COMMD1: variants seen among roughly 807,000 people sequenced by gnomAD.
The protein encoded by COMMD1 is copper metabolism domain containing 1.
COMMD1 carries 10 observed loss-of-function variants against 17.2 expected under a neutral mutation model. That is an observed-to-expected ratio of 0.58 (90% CI 0.36 to 0.99). COMMD1 has a LOEUF of 0.99. Among genes scored for constraint, COMMD1 ranks in the 50% least tolerant of loss-of-function variants. The pLI is 0.01. For missense variants in COMMD1, 270 were observed against 231.8 expected (o/e 1.17, Z -1.07); for synonymous variants, 97 against 91.6 (o/e 1.06, Z -0.34).
chr2:62,062,445 C>T (rs924211176), intron 2 of COMMD1, among the ~76,000 whole-genome samples: 4 of 151,946 alleles, frequency 2.6e-5, no homozygotes, highest in Non-Finnish European at 5.9e-5. Flanking sequence ...CCAGGCTGGT[C>T]GCCAACTCCT....
At position 62,014,542 on chromosome 2, in the gene COMMD1, C is replaced by CTTTTTTTTTTT. The variant is rs67886279; in HGVS notation, c.462+13587_462+13597dup. On this transcript the variant is annotated intron_variant, in intron 2 of 2. Coordinates refer to ENST00000311832, the MANE Select transcript of COMMD1 (RefSeq NM_152516.4). ...CATAACAAAATTTTACCATTTTAAC[C>CTTTTTTTTTTT]TTTTTTTTTTTTTTTTTTTTTTTTT... Among the ~76,000 whole-genome samples the CTTTTTTTTTTT allele has an allele frequency of 2.7e-4, 17 of 63,566 alleles. 2 individuals are homozygous for CTTTTTTTTTTT. The highest frequency in any genetic ancestry group is 1.1e-3 in the African/African-American group (16 of 14,020). 41.7% of individuals were successfully genotyped at this position (63,566 alleles called of 152,430 possible). A position where few individuals can be genotyped will look rare whatever the true frequency, so the allele number is the denominator to read the frequency against.
At chr2:61,958,331 A>T (rs1457233568) in intron 1 of COMMD1, among the ~76,000 whole-genome samples, 1 of 149,146 alleles carries the variant, frequency 6.7e-6, no homozygotes, top group African/African-American at 2.5e-5. Context: ...CAGGGGCGCG[A>T]TCTCAGCTCA....
At chr2:61,983,927 G>C (rs899063153) in intron 1 of COMMD1, among the ~76,000 whole-genome samples, 2 of 152,090 alleles carry the variant, frequency 1.3e-5, no homozygotes, top group African/African-American at 4.8e-5. Context: ...TCATTATGTT[G>C]TTTATTTGAA....
At chr2:62,035,765 A>G (rs1168893428) in intron 2 of COMMD1, among the ~76,000 whole-genome samples, 3 of 140,708 alleles carry the variant, frequency 2.1e-5, no homozygotes, top group African/African-American at 8.4e-5. Flanking sequence ...AAAAAAAAAA[A>G]GCAGGGCTGG....
intron 1 of COMMD1, among the ~76,000 whole-genome samples, chr2:61,922,473 A>G (rs1010567700): frequency 1.3e-5 from 2 of 152,230 alleles, no homozygotes; most frequent in East Asian, 3.9e-4. Flanking sequence ...GTGAGCTACT[A>G]TGCCTGGCTA....
intron 1 of COMMD1, among the ~76,000 whole-genome samples, chr2:61,989,005 T>A (rs772026990): frequency 6.6e-6 from 1 of 152,192 alleles, no homozygotes; most frequent in Non-Finnish European, 1.5e-5. Context: ...TGGCTGCTGC[T>A]AGCGGATGGG....
At chr2:62,075,855 C>T (rs1194905466) in intron 2 of COMMD1, among the ~76,000 whole-genome samples, 2 of 152,216 alleles carry the variant, frequency 1.3e-5, no homozygotes, top group East Asian at 3.8e-4. Context: ...TTGTATGAAC[C>T]ATATGTTGTC....
At position 62,063,867 on chromosome 2, in the gene COMMD1, A is replaced by AT. The variant is rs1423721865; in HGVS notation, c.462+62885_462+62886insT. ...ACAACATAGTGACACTGTCTCTACA[A>AT]AATATATATATATATATATATATAT... On this transcript the variant is annotated intron_variant, in intron 2 of 2. Coordinates refer to ENST00000311832, the MANE Select transcript of COMMD1 (RefSeq NM_152516.4). 6.9e-3 allele frequency among the ~76,000 whole-genome samples: 462 copies of AT among 66,554 alleles called. 11 individuals are homozygous for AT. Among genetic ancestry groups the AT allele is most frequent in the African/African-American group, 0.026 (417 of 15,760 alleles). 43.7% of individuals were successfully genotyped at this position (66,554 alleles called of 152,430 possible).
At chr2:61,995,923 A>G (rs750810119) in intron 1 of COMMD1, among the ~76,000 whole-genome samples, 22 of 152,234 alleles carry the variant, frequency 1.4e-4, no homozygotes, top group Non-Finnish European at 2.6e-4. Flanking sequence ...CAATAAAGTG[A>G]ATAATGCAAT....
chr2:61,944,929 A>T (rs550623175), intron 1 of COMMD1, among the ~76,000 whole-genome samples: 162 of 152,262 alleles, frequency 1.1e-3, no homozygotes, highest in African/African-American at 3.5e-3. Flanking sequence ...AACCACGTGC[A>T]TGGTTTTGTT....
chr2:61,973,435 A>G (rs377110268), intron 1 of COMMD1, among the ~76,000 whole-genome samples: 162 of 152,230 alleles, frequency 1.1e-3, no homozygotes, highest in South Asian at 5.4e-3. Context: ...GGGGCATTTT[A>G]TTTTTGCCAG....
In COMMD1 at chr2:62,080,420, T is replaced by C. The variant is rs142381897; in HGVS notation, c.463-55411T>C. 2.8e-3 allele frequency among the ~76,000 whole-genome samples: 433 copies of C among 152,378 alleles called. 2 individuals are homozygous for C. The highest frequency in any genetic ancestry group is 9.9e-3 in the African/African-American group (413 of 41,582). On this transcript the variant is annotated intron_variant, in intron 2 of 2. Coordinates refer to ENST00000311832, the MANE Select transcript of COMMD1 (RefSeq NM_152516.4). ...AGTAAGTGGATAACATTATCTGTTC[T>C]GTATACTTGGTGTTTGTTCGTTGGT...
chr2:62,063,211 G>T (rs892785242), intron 2 of COMMD1, among the ~76,000 whole-genome samples: 1 of 152,056 alleles, frequency 6.6e-6, no homozygotes, highest in Non-Finnish European at 1.5e-5. Flanking sequence ...GCAGGACTCC[G>T]TCTCAAAAAT....
upstream of COMMD1, chr2:61,905,621 T>C (rs1669749345): frequency 8.1e-6 from 12 of 1,472,730 alleles, no homozygotes; most frequent in Non-Finnish European, 1.8e-6. Flanking sequence ...TTTAGGCACA[T>C]CTCGGCCGCC....
In COMMD1 at chr2:62,077,336, A is replaced by G. The variant is rs539728319; in HGVS notation, c.463-58495A>G. On this transcript the variant is annotated intron_variant, in intron 2 of 2. Coordinates refer to ENST00000311832, the MANE Select transcript of COMMD1 (RefSeq NM_152516.4). Reference sequence around the variant, plus strand: ...AATTAATATTATAAAAGGAACAAATAGTGAATTTTAAACACAGGGTTAACC... The same window carrying G: ...AATTAATATTATAAAAGGAACAAATGGTGAATTTTAAACACAGGGTTAACC... Among the ~76,000 whole-genome samples, 59 of 152,370 alleles carry G rather than the reference A, an allele frequency of 3.9e-4. 1 individual carries two copies. In the South Asian group the frequency reaches 0.012, roughly 32 times the overall value.
At chr2:61,928,524 G>A (rs1359993239) in intron 1 of COMMD1, 2 of 152,038 alleles carry the variant, frequency 1.3e-5, no homozygotes, top group African/African-American at 2.4e-5. Flanking sequence ...TTTCAGTTTC[G>A]GAAAAGGAAT....
intron 2 of COMMD1, among the ~76,000 whole-genome samples, chr2:62,051,970 A>G (rs1351695973): frequency 6.6e-6 from 1 of 152,190 alleles, no homozygotes; most frequent in Non-Finnish European, 1.5e-5. Flanking sequence ...GAAGAATAGT[A>G]ATAAAAAGTT....
At chr2:62,064,511 G>A (rs1670971075) in intron 2 of COMMD1, among the ~76,000 whole-genome samples, 1 of 152,098 alleles carries the variant, frequency 6.6e-6, no homozygotes, top group African/African-American at 2.4e-5. Context: ...TATAATTTTT[G>A]ATTGAGAGCT....
chr2:62,128,781 T>A (rs1273541897), intron 2 of COMMD1, among the ~76,000 whole-genome samples: 1 of 151,788 alleles, frequency 6.6e-6, no homozygotes, highest in Non-Finnish European at 1.5e-5. Context: ...TGAAACCCCA[T>A]CTTTACTAAA....
Sources: allele counts gnomAD v4.1 joint callset (sites outside exome capture counted in the v4.1 genomes callset), GRCh38; gene constraint gnomAD v4.1.1; transcripts MANE v1.5; gene names NCBI Gene and HGNC (gene_info 2026-07-23, HGNC 2026-07-21).